LCA5: variants seen among roughly 807,000 people sequenced by gnomAD.
The protein encoded by LCA5 is lebercilin.
Under a neutral mutation model 53.0 loss-of-function variants are expected in LCA5, and 37 were observed. The observed-to-expected ratio is 0.70, with a 90% CI of 0.54 to 0.92. LCA5 has a LOEUF of 0.92. Ranked by LOEUF, LCA5 falls within the 40% of genes least tolerant of loss-of-function variation. The pLI is 0.00. For missense variants in LCA5, 806 were observed against 790.5 expected (o/e 1.02, Z -0.23); for synonymous variants, 303 against 282.9 (o/e 1.07, Z -0.71).
rs768101755 is a variant in LCA5, at chr6:79,487,185, T to G, written c.1913A>C (p.Asn638Thr). The G allele has an allele frequency of 1.2e-6, 2 of 1,614,024 alleles. No individual in the cohort carries two copies. Among genetic ancestry groups the G allele is most frequent in the Non-Finnish European group, 1.7e-6 (2 of 1,179,920 alleles). The change falls in exon 8 of 8, where the codon AAT becomes ACT. Residue 638 changes from asparagine (N) to threonine (T), a missense_variant. Transcript: ENST00000369846. ...ASSKGDIDPL[N>T]FLPGNKGSRD... Reference sequence around the variant, plus strand: ...GCTGCCTTTATTCCCAGGGAGAAAATTTAGAGGGTCAATGTCTCCTTTACT... The same window carrying G: ...GCTGCCTTTATTCCCAGGGAGAAAAGTTAGAGGGTCAATGTCTCCTTTACT...
At chr6:79,508,192 C>T (rs977118038) in intron 3 of LCA5, among the ~76,000 whole-genome samples, 1 of 152,096 alleles carries the variant, frequency 6.6e-6, no homozygotes, top group African/African-American at 2.4e-5. Context: ...GTCTATGGCC[C>T]GGAACTAGAG....
At chr6:79,525,655 A>G (rs142331665) in intron 1 of LCA5, among the ~76,000 whole-genome samples, 8 of 152,374 alleles carry the variant, frequency 5.3e-5, no homozygotes, top group Non-Finnish European at 1.0e-4. Context: ...TTCAACAAGA[A>G]AAAGAGGAAA....
intron 3 of LCA5, among the ~76,000 whole-genome samples, chr6:79,499,147 A>T (rs1312123006): frequency 6.6e-6 from 1 of 152,156 alleles, no homozygotes; most frequent in Non-Finnish European, 1.5e-5. Flanking sequence ...ATTTCCTTAC[A>T]CATAAATACA....
At chr6:79,500,992 A>C (rs1770123215) in intron 3 of LCA5, among the ~76,000 whole-genome samples, 1 of 152,078 alleles carries the variant, frequency 6.6e-6, no homozygotes, top group Non-Finnish European at 1.5e-5. Context: ...AGTTATTATT[A>C]CCTCTTAGGA....
chr6:79,536,853 C>T (rs561972083), intron 1 of LCA5, among the ~76,000 whole-genome samples: 1 of 152,256 alleles, frequency 6.6e-6, no homozygotes, highest in Admixed American at 6.5e-5. Context: ...TTCTTCTCTT[C>T]TCGGTCCCAG....
Position 79,487,450 on chromosome 6 carries a change from C to G in LCA5, c.1648G>C (p.Glu550Gln), listed in dbSNP as rs756922411. The G allele has an allele frequency of 1.9e-6, 3 of 1,613,920 alleles. No individual in the cohort carries two copies. The highest frequency in any genetic ancestry group is 2.7e-5 in the African/African-American group (2 of 74,910). ...GGCACGTAGCTACCAAATGCGAACTCATTAGGGGAGGCTGGACTTCTAACA... is the reference window on the plus strand; with the variant it reads ...GGCACGTAGCTACCAAATGCGAACTGATTAGGGGAGGCTGGACTTCTAACA... ...GNVRSPASPNEFAFGSYVPSF... is the reference protein window; with the variant it reads ...GNVRSPASPNQFAFGSYVPSF... The change falls in exon 8 of 8, where the codon GAG (glutamate) becomes CAG (glutamine). Residue 550 changes from glutamate (E) to glutamine (Q), a missense_variant. By Grantham distance (29) the Glu-to-Gln change is conservative. Coordinates refer to ENST00000369846, the MANE Select transcript of LCA5 (RefSeq NM_001122769.3).
At chr6:79,513,903 A>T (rs983827854) in intron 2 of LCA5, among the ~76,000 whole-genome samples, 162 bp from the exon 3 acceptor site, 6 of 152,178 alleles carry the variant, frequency 3.9e-5, no homozygotes, top group African/African-American at 1.2e-4. Context: ...TTAGAGCTCT[A>T]AATAGGTTTC....
chr6:79,504,455 A>T (rs1384794460), intron 3 of LCA5, among the ~76,000 whole-genome samples: 1 of 152,188 alleles, frequency 6.6e-6, no homozygotes. Context: ...TATGGACAGA[A>T]AAAGGGAAAT....
rs188791703 is a variant in LCA5 at position 79,486,046 on chromosome 6, C to T, written c.*958G>A. On this transcript the variant is annotated 3_prime_UTR_variant, in exon 8 of 8. Transcript: ENST00000369846. Reference sequence around the variant, plus strand: ...TAATCCTGTAAGTCCAATAGTATTACACTATTGTTGTCTCCTTGGTTTGAG... The same window carrying T: ...TAATCCTGTAAGTCCAATAGTATTATACTATTGTTGTCTCCTTGGTTTGAG... 12 of 152,172 alleles carry T rather than the reference C, an allele frequency of 7.9e-5. No homozygotes were observed. Among genetic ancestry groups the T allele is most frequent in the Non-Finnish European group, 1.5e-4 (10 of 68,022 alleles). 9.4% of individuals were successfully genotyped at this position (152,172 alleles called of 1,614,324 possible).
chr6:79,488,391 C>CCTCT (rs201765622), intron 7 of LCA5: 11 of 152,888 alleles, frequency 7.2e-5, no homozygotes, highest in Admixed American at 3.3e-4. Context: ...TTTTTCCTTC[C>CCTCT]CTCTCTCTCT....
At chr6:79,490,020 C>T (rs1239734566) in intron 6 of LCA5, among the ~76,000 whole-genome samples, 2 of 152,004 alleles carry the variant, frequency 1.3e-5, no homozygotes, top group African/African-American at 2.4e-5. Context: ...CAGTTCCAAC[C>T]ATACACAAGA....
chr6:79,516,658 A>G (rs1766447023), intron 2 of LCA5, among the ~76,000 whole-genome samples: 5 of 152,104 alleles, frequency 3.3e-5, no homozygotes, highest in South Asian at 4.1e-4. Flanking sequence ...TTATAAAACT[A>G]TAAGACAAAA....
intron 3 of LCA5, among the ~76,000 whole-genome samples, chr6:79,503,317 G>T (rs1770192490): frequency 6.6e-6 from 1 of 152,194 alleles, no homozygotes; most frequent in South Asian, 2.1e-4. Flanking sequence ...TGTTAGGCAT[G>T]TGAGTTTCTG....
At chr6:79,535,596 G>C (rs1767089709) in intron 1 of LCA5, among the ~76,000 whole-genome samples, 1 of 152,210 alleles carries the variant, frequency 6.6e-6, no homozygotes, top group South Asian at 2.1e-4. Flanking sequence ...GGACAGCTTT[G>C]GCAGGGAAAG....
At chr6:79,491,475 ATTCATATAGATATAGTACTAGC>A (rs1769839459) in intron 6 of LCA5, 91 bp downstream of exon 6, 2 of 1,095,872 alleles carry the variant, frequency 1.8e-6, no homozygotes, top group Non-Finnish European at 2.8e-6. Flanking sequence ...CTAGTCGCAT[ATTCATATAGATATAGTACTAGC>A]TTCATTACTG....
Position 79,489,117 on chromosome 6 carries a change from C to T in LCA5, c.1198G>A (p.Val400Ile). 6.2e-7 allele frequency: 1 copy of T among 1,613,308 alleles called. No homozygotes were observed. Residue 400 changes from valine (V) to isoleucine (I), a missense_variant, in exon 7 of 8, where the codon GTC (valine) becomes ATC (isoleucine). Transcript: ENST00000369846. ...AGCTTTTCAACCTCCTGTTTTACGACATGGAGTTCTTCATCTGTAACAAAT... is the reference window on the plus strand; with the variant it reads ...AGCTTTTCAACCTCCTGTTTTACGATATGGAGTTCTTCATCTGTAACAAAT... ...EKFVTDEELH[V>I]VKQEVEKLED...
chr6:79,496,325 T>C (rs936853189), intron 3 of LCA5, among the ~76,000 whole-genome samples: 1 of 152,190 alleles, frequency 6.6e-6, no homozygotes, highest in Admixed American at 6.5e-5. Flanking sequence ...CTTAGGTCTT[T>C]ACACAGGAGA....
chr6:79,526,795 C>T (rs1766802952), intron 1 of LCA5, among the ~76,000 whole-genome samples: 1 of 152,136 alleles, frequency 6.6e-6, no homozygotes, highest in Non-Finnish European at 1.5e-5. Flanking sequence ...CCAAATGTCT[C>T]CCAATAGCAC....
chr6:79,527,571 C>T (rs2127687953), intron 1 of LCA5, among the ~76,000 whole-genome samples: 1 of 152,324 alleles, frequency 6.6e-6, no homozygotes, highest in Admixed American at 6.5e-5. Context: ...CATGACTCCG[C>T]CCCAGCTGGG....
Sources: gnomAD v4.1 joint callset for allele counts (sites outside exome capture counted in the v4.1 genomes callset) on GRCh38, gnomAD v4.1.1 for gene constraint, MANE v1.5 for transcripts, NCBI Gene and HGNC (gene_info 2026-07-23, HGNC 2026-07-21) for gene names.